The following CHMP4B variants were observed in gnomAD, a reference collection of about 807,000 sequenced individuals.
The protein encoded by CHMP4B is SNF7 homolog associated with Alix 1.
Under a neutral mutation model 25.1 loss-of-function variants are expected in CHMP4B, and 1 was observed. That is an observed-to-expected ratio of 0.04 (90% CI 0.01 to 0.19). The LOEUF is 0.19. Among genes scored for constraint, CHMP4B ranks in the 10% least tolerant of loss-of-function variants. The pLI is 1.00. For synonymous variants in CHMP4B, 101 were observed against 115.6 expected, an observed-to-expected ratio of 0.87 and a Z score of 0.81; for missense variants, 151 against 289.7, an observed-to-expected ratio of 0.52 and a Z score of 3.48.
At chr20:33,832,968 T>A (rs1168632808) in intron 1 of CHMP4B, among the ~76,000 whole-genome samples, 2 of 134,326 alleles carry the variant, frequency 1.5e-5, no homozygotes, top group East Asian at 5.1e-4. Flanking sequence ...TTTTTTTTTT[T>A]TGTAGAGACA....
At chr20:33,820,299 A>T (rs903394839) in intron 1 of CHMP4B, among the ~76,000 whole-genome samples, 1 of 152,164 alleles carries the variant, frequency 6.6e-6, no homozygotes, top group African/African-American at 2.4e-5. Context: ...AGTTTGAGAG[A>T]TTTTAAAACA....
intron 1 of CHMP4B, among the ~76,000 whole-genome samples, chr20:33,833,651 G>A (rs1478851915): frequency 6.6e-6 from 1 of 152,186 alleles, no homozygotes; most frequent in Non-Finnish European, 1.5e-5. Context: ...CTGTCCTTGA[G>A]TTTCTCTCTT....
chr20:33,846,438 C>T (rs1979692181), intron 1 of CHMP4B, among the ~76,000 whole-genome samples: 1 of 152,144 alleles, frequency 6.6e-6, no homozygotes, highest in Non-Finnish European at 1.5e-5. Context: ...AGGGAGATTA[C>T]GGATTCAGTG....
chr20:33,848,498 G>A lies in CHMP4B; in HGVS notation c.222G>A (p.Arg74=). 1 of 1,614,194 alleles carries A rather than the reference G, an allele frequency of 6.2e-7. No homozygotes were observed. Among genetic ancestry groups the A allele is most frequent in the African/African-American group, 1.3e-5 (1 of 75,036 alleles). ...TCCAGGCACTGAAGCGTAAGAAGAG[G>A]TATGAGAAGCAGCTGGCGCAGATCG... ...AALQALKRKK[R]YEKQLAQIDG... The change falls in exon 2 of 5, where the codon AGG becomes AGA. Residue 74 remains arginine, a synonymous_variant. Coordinates refer to ENST00000217402, the MANE Select transcript of CHMP4B (RefSeq NM_176812.5).
chr20:33,824,304 T>C (rs1979027077), intron 1 of CHMP4B, among the ~76,000 whole-genome samples: 1 of 152,310 alleles, frequency 6.6e-6, no homozygotes, highest in South Asian at 2.1e-4. Flanking sequence ...CCAAGTCTAG[T>C]GCGTTTCTGC....
chr20:33,838,116 G>C lies in CHMP4B; in HGVS notation c.191-10351G>C, dbSNP rs142041007. ...GGTTGTGTCTAGATACAAGTCTCCT[G>C]TTCGGGCACCTGGCTTGGATTCCTC... is the stretch of plus-strand genomic sequence containing the variant. On this transcript the variant is annotated intron_variant, in intron 1 of 4. Transcript: ENST00000217402. 7.6e-3 allele frequency among the ~76,000 whole-genome samples: 1,163 copies of C among 152,312 alleles called. 14 individuals are homozygous for C. The highest frequency in any genetic ancestry group is 0.027 in the African/African-American group (1,109 of 41,572).
chr20:33,834,042 C>T (rs1183792217), intron 1 of CHMP4B, among the ~76,000 whole-genome samples: 1 of 152,186 alleles, frequency 6.6e-6, no homozygotes, highest in Non-Finnish European at 1.5e-5. Flanking sequence ...CTAGTATTGT[C>T]ATGAAGTTGT....
chr20:33,816,460 G>A (rs1978785578), intron 1 of CHMP4B, among the ~76,000 whole-genome samples: 1 of 152,136 alleles, frequency 6.6e-6, no homozygotes, highest in Non-Finnish European at 1.5e-5. Flanking sequence ...ATTGAGAACT[G>A]GATAGAAACC....
intron 1 of CHMP4B, among the ~76,000 whole-genome samples, chr20:33,820,681 G>C (rs1806667450): frequency 6.6e-6 from 1 of 152,056 alleles, no homozygotes; most frequent in Non-Finnish European, 1.5e-5. Context: ...ATTGTGGGGG[G>C]TGGGGGACTT....
chr20:33,845,956 A>G (rs1979678280), intron 1 of CHMP4B, among the ~76,000 whole-genome samples: 1 of 152,164 alleles, frequency 6.6e-6, no homozygotes. Context: ...GAGAATTCTA[A>G]CGTCTTGCCT....
At position 33,853,743 on chromosome 20, in the gene CHMP4B, T is replaced by TGGGCGGGGGGAGGG. The variant is rs1383401170; in HGVS notation, c.*191_*204dup. 1 of 9,958 alleles carries TGGGCGGGGGGAGGG rather than the reference T, an allele frequency of 1.0e-4. No individual in the cohort carries two copies. Among genetic ancestry groups the TGGGCGGGGGGAGGG allele is most frequent in the Admixed American group, 1.3e-3 (1 of 770 alleles). The allele number at this position is 9,958 out of a possible 1,614,324, so 0.6% of individuals were successfully genotyped here. A position where few individuals can be genotyped will look rare whatever the true frequency, so the allele number is the denominator to read the frequency against. ...CATAGCATGGTCTGCACCTGGGAGA[T>TGGGCGGGGGGAGGG]GGGCGGGGGGAGGGGGGCGGGCGGG... On this transcript the variant is annotated 3_prime_UTR_variant, in exon 5 of 5. Coordinates refer to ENST00000217402, the MANE Select transcript of CHMP4B (RefSeq NM_176812.5).
chr20:33,831,286 A>G (rs1979242104), intron 1 of CHMP4B, among the ~76,000 whole-genome samples: 2 of 152,048 alleles, frequency 1.3e-5, no homozygotes, highest in Non-Finnish European at 1.5e-5. Flanking sequence ...GGGTTTCACC[A>G]TGTTGGCCAG....
At chr20:33,830,493 G>A (rs578124209) in intron 1 of CHMP4B, among the ~76,000 whole-genome samples, 9 of 152,276 alleles carry the variant, frequency 5.9e-5, no homozygotes, top group East Asian at 1.9e-4. Flanking sequence ...GGGTAATTCC[G>A]TTTCTGGTGA....
chr20:33,811,752 G>GA, intron 1 of CHMP4B, 94 bp downstream of exon 1: 1 of 1,307,446 alleles, frequency 7.6e-7, no homozygotes, highest in African/African-American at 1.5e-5. Flanking sequence ...TCGGGGTCTG[G>GA]TCTGACCCTG....
rs1424913571 is a variant in CHMP4B, at chr20:33,853,817, G to T, written c.*257G>T. 1 of 522,910 alleles carries T rather than the reference G, an allele frequency of 1.9e-6. No homozygotes were observed. The highest frequency in any genetic ancestry group is 3.5e-6 in the Non-Finnish European group (1 of 287,742). 32.4% of individuals were successfully genotyped at this position (522,910 alleles called of 1,614,324 possible). A position where few individuals can be genotyped will look rare whatever the true frequency, so the allele number is the denominator to read the frequency against. The stretch of plus-strand genomic sequence containing the variant: ...ATGTTGAATTTCTGTAAAATAAACT[G>T]TATTTGCAAATCCAACATTGAGCTT... On this transcript the variant is annotated 3_prime_UTR_variant, in exon 5 of 5. Transcript: ENST00000217402.
rs374797294 is a variant in CHMP4B, at chr20:33,845,242, TA to T, written c.191-3222del. Among the ~76,000 whole-genome samples the T allele has an allele frequency of 3.3e-5, 5 of 152,246 alleles. No individual in the cohort carries two copies. In the East Asian group the frequency reaches 7.7e-4, roughly 24 times the overall value. ...TGTTCATTTGGGATCTCTGGATGAT[TA>T]AATGAAATAGGAGGCGGAAGGGACT... On this transcript the variant is annotated intron_variant, in intron 1 of 4. Transcript: ENST00000217402.
Position 33,853,912 on chromosome 20 carries a change from G to T in CHMP4B, c.*352G>T. ...CGACTGGTTGCAGTTGAAATGACCT[G>T]AAATGTAGCCTCTGTCCTTGTAAGT... On this transcript the variant is annotated 3_prime_UTR_variant, in exon 5 of 5. Transcript: ENST00000217402. 2.6e-6 allele frequency: 1 copy of T among 387,592 alleles called. No individual in the cohort carries two copies. Among genetic ancestry groups the T allele is most frequent in the South Asian group, 2.5e-5 (1 of 40,198 alleles). The allele number at this position is 387,592 out of a possible 1,614,324, so 24.0% of individuals were successfully genotyped here.
intron 1 of CHMP4B, among the ~76,000 whole-genome samples, chr20:33,825,283 C>T (rs560198462): frequency 2.0e-5 from 3 of 152,284 alleles, no homozygotes; most frequent in African/African-American, 4.8e-5. Context: ...ATATACCCAC[C>T]GTCTTTCTTC....
At chr20:33,825,420 C>A (rs545427014) in intron 1 of CHMP4B, among the ~76,000 whole-genome samples, 1 of 152,266 alleles carries the variant, frequency 6.6e-6, no homozygotes, top group Admixed American at 6.5e-5. Flanking sequence ...GCTGGAGTGA[C>A]CACTGTGAAC....
Sources: allele counts gnomAD v4.1 joint callset (sites outside exome capture counted in the v4.1 genomes callset), GRCh38; gene constraint gnomAD v4.1.1; transcripts MANE v1.5; gene names NCBI Gene and HGNC (gene_info 2026-07-23, HGNC 2026-07-21).